The following ADORA2B variants were observed in gnomAD, a reference collection of about 807,000 sequenced individuals.
The protein encoded by ADORA2B is adenosine receptor A2b.
In ADORA2B, 18 loss-of-function variants were observed where a neutral mutation model predicts 20.8. The observed-to-expected ratio is 0.87, with a 90% CI of 0.60 to 1.29. The LOEUF (loss-of-function observed/expected upper bound fraction) is 1.29. Ranked by LOEUF, ADORA2B falls within the 50% of genes most tolerant of loss-of-function variation. The probability of loss-of-function intolerance (pLI) is 0.00; values close to 1 mark genes in which losing one functional copy is unlikely to be tolerated. For synonymous variants in ADORA2B, 179 were observed against 178.3 expected, an observed-to-expected ratio of 1.00 and a Z score of -0.03; for missense variants, 441 against 422.7, an observed-to-expected ratio of 1.04 and a Z score of -0.38.
At chr17:15,959,136 C>G (rs1021806502) in intron 1 of ADORA2B, among the ~76,000 whole-genome samples, 1 of 152,188 alleles carries the variant, frequency 6.6e-6, no homozygotes, top group Non-Finnish European at 1.5e-5. Flanking sequence ...ACTGGCTTCA[C>G]TAAAACCAGC....
At chr17:15,928,182 G>C in the ADORA2B span, among the ~76,000 whole-genome samples, 1 of 152,116 alleles carries the variant, frequency 6.6e-6, no homozygotes, top group South Asian at 2.1e-4. Context: ...CTGAGGGGCG[G>C]CTATTGGGTT....
the ADORA2B span, among the ~76,000 whole-genome samples, chr17:15,873,648 A>G: frequency 1.3e-5 from 2 of 152,202 alleles, no homozygotes; most frequent in East Asian, 3.8e-4. Context: ...AAAAATACTC[A>G]ACATCGCTAA....
chr17:15,901,657 A>G, the ADORA2B span, among the ~76,000 whole-genome samples: 1 of 152,158 alleles, frequency 6.6e-6, no homozygotes, highest in Non-Finnish European at 1.5e-5. Flanking sequence ...CCTAGGCAAG[A>G]GGCAAGTCCA....
chr17:15,923,086 G>T, the ADORA2B span, among the ~76,000 whole-genome samples: 4,486 of 150,694 alleles, frequency 0.03, 209 homozygotes, highest in African/African-American at 0.1. Flanking sequence ...GCAGTGGTGT[G>T]ATCTCGGCTC....
chr17:15,936,720 C>T, the ADORA2B span, among the ~76,000 whole-genome samples: 27 of 152,274 alleles, frequency 1.8e-4, no homozygotes, highest in Non-Finnish European at 3.1e-4. Flanking sequence ...CTTTGGGCAC[C>T]GGAGGCAGAA....
chr17:15,925,950 A>G, the ADORA2B span, among the ~76,000 whole-genome samples: 1 of 152,210 alleles, frequency 6.6e-6, no homozygotes, highest in East Asian at 1.9e-4. Context: ...AGCCTGGGCA[A>G]CAGAGCAAGA....
intron 1 of ADORA2B, among the ~76,000 whole-genome samples, chr17:15,964,707 TA>T (rs148212420): frequency 0.052 from 7,565 of 146,486 alleles, 735 homozygotes; most frequent in African/African-American, 0.18. Context: ...TCATAAATAT[TA>T]AAAAAAAAAC....
chr17:15,863,488 G>A, the ADORA2B span, among the ~76,000 whole-genome samples: 1 of 152,062 alleles, frequency 6.6e-6, no homozygotes, highest in East Asian at 1.9e-4. Flanking sequence ...TGGGACTACA[G>A]GTGTGCGCTA....
the ADORA2B span, among the ~76,000 whole-genome samples, chr17:15,863,061 C>G: frequency 6.6e-6 from 1 of 151,762 alleles, no homozygotes; most frequent in South Asian, 2.1e-4. Flanking sequence ...ATTTAAAGCC[C>G]CAGATATTAC....
chr17:15,856,062 T>C, the ADORA2B span, among the ~76,000 whole-genome samples: 1 of 152,080 alleles, frequency 6.6e-6, no homozygotes, highest in South Asian at 2.1e-4. Flanking sequence ...CCAAATCTCA[T>C]CTCGAATTGT....
chr17:15,892,320 AC>A, the ADORA2B span, among the ~76,000 whole-genome samples: 1 of 152,048 alleles, frequency 6.6e-6, no homozygotes, highest in Non-Finnish European at 1.5e-5. Context: ...GACAGGCACC[AC>A]CACGCCTGAC....
the ADORA2B span, among the ~76,000 whole-genome samples, chr17:15,891,670 T>C: frequency 6.6e-6 from 1 of 151,692 alleles, no homozygotes; most frequent in Non-Finnish European, 1.5e-5. Flanking sequence ...CAAGAATGAA[T>C]GTACAGCACT....
chr17:15,951,896 G>A (rs886098804), intron 1 of ADORA2B, among the ~76,000 whole-genome samples: 8 of 152,174 alleles, frequency 5.3e-5, no homozygotes, highest in Non-Finnish European at 1.0e-4. Context: ...CCCTGAGACC[G>A]GAGCCTGGAG....
intron 1 of ADORA2B, among the ~76,000 whole-genome samples, chr17:15,964,949 A>C (rs1405895353): frequency 6.6e-6 from 1 of 152,044 alleles, no homozygotes; most frequent in Non-Finnish European, 1.5e-5. Context: ...AGTCCCAGCT[A>C]CTCAGGAGGC....
Position 15,975,635 on chromosome 17 carries a change from G to C in ADORA2B, c.*293G>C. 1 of 374,744 alleles carries C rather than the reference G, an allele frequency of 2.7e-6. No individual in the cohort carries two copies. Among genetic ancestry groups the C allele is most frequent in the Non-Finnish European group, 4.8e-6 (1 of 207,364 alleles). 23.2% of individuals were successfully genotyped at this position (374,744 alleles called of 1,614,324 possible). ...TTTTTAAAAGTCTGCCTTGTTTATGGTGGAAAATTACTGAAACTATTTTAC... is the reference window on the plus strand; with the variant it reads ...TTTTTAAAAGTCTGCCTTGTTTATGCTGGAAAATTACTGAAACTATTTTAC... On this transcript the variant is annotated 3_prime_UTR_variant, in exon 2 of 2. Coordinates refer to ENST00000304222, the MANE Select transcript of ADORA2B (RefSeq NM_000676.4).
At chr17:15,873,496 A>G in the ADORA2B span, among the ~76,000 whole-genome samples, 1 of 152,178 alleles carries the variant, frequency 6.6e-6, no homozygotes, top group African/African-American at 2.4e-5. Context: ...CTACAGTCCA[A>G]CAAAGGACTA....
the ADORA2B span, among the ~76,000 whole-genome samples, chr17:15,883,569 C>T: frequency 1.3e-5 from 2 of 152,152 alleles, no homozygotes; most frequent in African/African-American, 4.8e-5. Flanking sequence ...TGGGTAGATG[C>T]AGAAGCATCA....
chr17:15,890,727 G>A, the ADORA2B span, among the ~76,000 whole-genome samples: 21 of 152,128 alleles, frequency 1.4e-4, no homozygotes, highest in African/African-American at 3.4e-4. Context: ...CCCAGTGCAC[G>A]GAGCTGGCCT....
the ADORA2B span, among the ~76,000 whole-genome samples, chr17:15,852,188 A>G: frequency 2.0e-5 from 3 of 152,292 alleles, no homozygotes; most frequent in African/African-American, 7.2e-5. Flanking sequence ...GTTATATTTT[A>G]CTGAAGAAAA....
Sources: gnomAD v4.1 joint callset for allele counts (sites outside exome capture counted in the v4.1 genomes callset) on GRCh38, gnomAD v4.1.1 for gene constraint, MANE v1.5 for transcripts, NCBI Gene and HGNC (gene_info 2026-07-23, HGNC 2026-07-21) for gene names.